SLC17A9: variants seen among roughly 807,000 people sequenced by gnomAD.
The protein encoded by SLC17A9 is solute carrier family 17 member 9.
In SLC17A9, 49 loss-of-function variants were observed where a neutral mutation model predicts 55.0. The ratio of observed to expected loss-of-function variants is 0.89; its 90% CI spans 0.71 to 1.13. The LOEUF is 1.13. Among genes scored for constraint, SLC17A9 ranks in the 50% most tolerant of loss-of-function variants. SLC17A9 has a pLI of 0.00. For missense variants in SLC17A9, 526 were observed against 569.3 expected (o/e 0.92, Z 0.77); for synonymous variants, 256 against 247.4 (o/e 1.03, Z -0.32).
chr20:62,957,183 C>G (rs1039098201), intron 2 of SLC17A9: 1 of 984,614 alleles, frequency 1.0e-6, no homozygotes, highest in East Asian at 1.1e-4. Flanking sequence ...GCAGAAGACC[C>G]CCCCAGAGGA....
Position 62,957,570 on chromosome 20 carries a change from C to CT in SLC17A9, c.389dup (p.Leu130PhefsTer22). 6.4e-7 allele frequency: 1 copy of CT among 1,563,850 alleles called. No homozygotes were observed. Among genetic ancestry groups the CT allele is most frequent in the South Asian group, 1.2e-5 (1 of 84,222 alleles). On this transcript the variant is annotated frameshift_variant, in exon 3 of 13. Coordinates refer to ENST00000370351, the MANE Select transcript of SLC17A9 (RefSeq NM_022082.4). LOFTEE classifies it high-confidence loss of function. ...TGACCTTCTCACGCATCCTCATGGG[C>CT]TTGCTCCAAGGTAAGGGGAGCTCAG...
chr20:62,962,814 T>C lies in SLC17A9; in HGVS notation c.628+60T>C. 6.3e-7 allele frequency: 1 copy of C among 1,595,082 alleles called. No individual in the cohort carries two copies. Among genetic ancestry groups the C allele is most frequent in the Non-Finnish European group, 8.6e-7 (1 of 1,168,808 alleles). On this transcript the variant is annotated intron_variant, in intron 5 of 12. Transcript: ENST00000370351. This position sits in a 1 kb window ranked among gnomAD's most constrained non-coding sequence, Gnocchi z 5.5. ...CACAGCTGCCCAGTGCCTCCTCCCC[T>C]GGTGGCAGCCGCTGAGCAGCCTGGA... is the stretch of plus-strand genomic sequence containing the variant.
Position 62,962,517 on chromosome 20 carries a change from C to T in SLC17A9, c.498-107C>T, listed in dbSNP as rs754041660. 3.5e-6 allele frequency: 5 copies of T among 1,433,508 alleles called. No individual in the cohort carries two copies. Among genetic ancestry groups the T allele is most frequent in the Non-Finnish European group, 4.7e-6 (5 of 1,069,150 alleles). The allele number at this position is 1,433,508 out of a possible 1,614,324, so 88.8% of individuals were successfully genotyped here. A position where few individuals can be genotyped will look rare whatever the true frequency, so the allele number is the denominator to read the frequency against. The stretch of plus-strand genomic sequence containing the variant: ...CTCCTCTGGAGGCGATGAAAACACC[C>T]TCTTCTCCAGGGGCTCAGCCTGCAC... On this transcript the variant is annotated intron_variant, in intron 4 of 12. Transcript: ENST00000370351. The surrounding 1 kb of genome is among the most constrained non-coding windows in gnomAD (Gnocchi z 5.5).
intron 3 of SLC17A9, 78 bp downstream of exon 3, chr20:62,957,658 T>C: frequency 7.9e-7 from 1 of 1,270,120 alleles, no homozygotes; most frequent in African/African-American, 1.5e-5. Flanking sequence ...CGGATGTGTG[T>C]GCAGGTGCAT....
At chr20:62,954,042 TCCCAGGC>T (rs2065514047) in intron 1 of SLC17A9, among the ~76,000 whole-genome samples, 1 of 151,504 alleles carries the variant, frequency 6.6e-6, no homozygotes, top group Non-Finnish European at 1.5e-5. Flanking sequence ...ACTACGTCCC[TCCCAGGC>T]TCGATGTTTA....
Position 62,969,293 on chromosome 20 carries a change from G to A in SLC17A9, c.*1793G>A, listed in dbSNP as rs1343162235. ...CTGTGGCATTAGGTACATTCGCATT[G>A]TGCAGCCACCGCCACCCTCCGCCTT... On this transcript the variant is annotated 3_prime_UTR_variant, in exon 13 of 13. Coordinates refer to ENST00000370351, the MANE Select transcript of SLC17A9 (RefSeq NM_022082.4). 6.6e-6 allele frequency: 1 copy of A among 152,140 alleles called. No individual in the cohort carries two copies. The highest frequency in any genetic ancestry group is 1.5e-5 in the Non-Finnish European group (1 of 68,036). The allele number at this position is 152,140 out of a possible 1,614,324, so 9.4% of individuals were successfully genotyped here. A position where few individuals can be genotyped will look rare whatever the true frequency, so the allele number is the denominator to read the frequency against.
chr20:62,956,861 C>G lies in SLC17A9; in HGVS notation c.156C>G (p.Ser52Arg), dbSNP rs2147646017. The change falls in exon 2 of 13, where the codon AGC (serine) becomes AGG (arginine). Residue 52 changes from serine (S) to arginine (R), a missense_variant. Coordinates refer to ENST00000370351, the MANE Select transcript of SLC17A9 (RefSeq NM_022082.4). ...TGCCCATCTGCACCGTCTCCATGAG[C>G]CAGGACTTCGGCTGGAACAAGAAGG... is the stretch of plus-strand genomic sequence containing the variant. ...SSMPICTVSM[S>R]QDFGWNKKEA... The G allele has an allele frequency of 6.2e-7, 1 of 1,613,550 alleles. No individual in the cohort carries two copies. The highest frequency in any genetic ancestry group is 8.5e-7 in the Non-Finnish European group (1 of 1,180,024).
chr20:62,967,745 C>T lies in SLC17A9; in HGVS notation c.*245C>T. 2.1e-6 allele frequency: 1 copy of T among 469,784 alleles called. No individual in the cohort carries two copies. Among genetic ancestry groups the T allele is most frequent in the African/African-American group, 2.0e-5 (1 of 50,904 alleles). 29.1% of individuals were successfully genotyped at this position (469,784 alleles called of 1,614,324 possible). A position where few individuals can be genotyped will look rare whatever the true frequency, so the allele number is the denominator to read the frequency against. On this transcript the variant is annotated 3_prime_UTR_variant, in exon 13 of 13. Coordinates refer to ENST00000370351, the MANE Select transcript of SLC17A9 (RefSeq NM_022082.4). ...TTTCCCCACCTGCCAGCGGGCTCGGCCCTGTCCTCCTCACAGGCTGGTGTG... is the reference window on the plus strand; with the variant it reads ...TTTCCCCACCTGCCAGCGGGCTCGGTCCTGTCCTCCTCACAGGCTGGTGTG...
Position 62,958,768 on chromosome 20 carries a change from G to T in SLC17A9, c.397+1188G>T, listed in dbSNP as rs2065564159. ...CACACCCTCACTCCCCAAGGTTATG[G>T]CCTGGAAGGTGCTGCCTGGGACTGT... On this transcript the variant is annotated intron_variant, in intron 3 of 12. Transcript: ENST00000370351. The surrounding 1 kb of genome is among the most constrained non-coding windows in gnomAD (Gnocchi z 4.1). 6.6e-6 allele frequency among the ~76,000 whole-genome samples: 1 copy of T among 152,162 alleles called. No homozygotes were observed. Among genetic ancestry groups the T allele is most frequent in the African/African-American group, 2.4e-5 (1 of 41,430 alleles).
Position 62,967,473 on chromosome 20 carries a change from C to A in SLC17A9, c.1284C>A (p.Asp428Glu), listed in dbSNP as rs1568919142. Residue 428 changes from aspartate to glutamate, a missense_variant, in exon 13 of 13, where the codon GAC becomes GAA. Asp to Glu is a conservative substitution (Grantham distance 45). Transcript: ENST00000370351. ...TGTTTGGACAGGCTCAGAGGGTGGA[C>A]CTGAGCTCTACCCATGAGGACCTCT... is the stretch of plus-strand genomic sequence containing the variant. ...FLVFGQAQRVDLSSTHEDL is the reference protein window; with the variant it reads ...FLVFGQAQRVELSSTHEDL 6.2e-7 allele frequency: 1 copy of A among 1,614,052 alleles called. No individual in the cohort carries two copies.
chr20:62,965,251 C>T (rs908974939), intron 9 of SLC17A9, 85 bp downstream of exon 9: 7 of 1,560,314 alleles, frequency 4.5e-6, no homozygotes, highest in African/African-American at 4.1e-5. Flanking sequence ...GTCCCCAAGT[C>T]ACCTGATATC....
In SLC17A9 at chr20:62,969,370, C is replaced by G. The variant is rs933224794; in HGVS notation, c.*1870C>G. ...AAGCTCTGTGCTCATTAAAGGCTAG[C>G]TCCCCGTTGCTCTCCCCCAGCCCCG... is the stretch of plus-strand genomic sequence containing the variant. On this transcript the variant is annotated 3_prime_UTR_variant, in exon 13 of 13. Transcript: ENST00000370351. 1 of 69,626 alleles carries G rather than the reference C, an allele frequency of 1.4e-5. No individual in the cohort carries two copies. The highest frequency in any genetic ancestry group is 3.0e-5 in the Non-Finnish European group (1 of 33,744). The allele number at this position is 69,626 out of a possible 1,614,324, so 4.3% of individuals were successfully genotyped here. A position where few individuals can be genotyped will look rare whatever the true frequency, so the allele number is the denominator to read the frequency against.
At chr20:62,956,336 C>T (rs143222405) in intron 1 of SLC17A9, among the ~76,000 whole-genome samples, 28 of 152,326 alleles carry the variant, frequency 1.8e-4, no homozygotes, top group East Asian at 5.8e-4. Flanking sequence ...AGCACACACC[C>T]GGGGTGCAGC....
At position 62,962,545 on chromosome 20, in the gene SLC17A9, G is replaced by C. The variant is rs2065597454; in HGVS notation, c.498-79G>C. On this transcript the variant is annotated intron_variant, in intron 4 of 12. Coordinates refer to ENST00000370351, the MANE Select transcript of SLC17A9 (RefSeq NM_022082.4). This position sits in a 1 kb window ranked among gnomAD's most constrained non-coding sequence, Gnocchi z 5.5. ...TTCTCCAGGGGCTCAGCCTGCACCA[G>C]GGTGGGGTTTCTGAGAGGCCCCTCC... 1.3e-6 allele frequency: 2 copies of C among 1,547,520 alleles called. No individual in the cohort carries two copies. The highest frequency in any genetic ancestry group is 3.9e-5 in the Admixed American group (2 of 51,634).
rs2065647100 is a variant in SLC17A9, at chr20:62,967,048, A to G, written c.1148-289A>G. ...GATGATGGGGGTCCTTCTTCAGCTC[A>G]GCCTCGCCTGGGCCGGCCTGTGGCT... On this transcript the variant is annotated intron_variant, in intron 12 of 12. Transcript: ENST00000370351. The G allele has an allele frequency of 1.4e-5, 8 of 576,962 alleles. No homozygotes were observed. The South Asian group carries it at 1.8e-4, about 13-fold the overall frequency. The allele number at this position is 576,962 out of a possible 1,614,324, so 35.7% of individuals were successfully genotyped here. A position where few individuals can be genotyped will look rare whatever the true frequency, so the allele number is the denominator to read the frequency against.
intron 1 of SLC17A9, among the ~76,000 whole-genome samples, chr20:62,954,289 C>G (rs1028923253): frequency 9.2e-5 from 14 of 152,234 alleles, no homozygotes; most frequent in Non-Finnish European, 1.3e-4. Flanking sequence ...GCCCGCCCTC[C>G]TGCAGCCACA....
chr20:62,957,521 T>C lies in SLC17A9; in HGVS notation c.338T>C (p.Leu113Pro), dbSNP rs573187320. ...GCCGTCACCCCACTGCTCGCCCACC[T>C]GAGCAGTGCCCACCTGGCCTTCATG... ...ITAVTPLLAH[L>P]SSAHLAFMTF... The change falls in exon 3 of 13, where the codon CTG becomes CCG. Residue 113 changes from leucine to proline, a missense_variant. By Grantham distance (98) the Leu-to-Pro change is moderately conservative (BLOSUM62 -3). Coordinates refer to ENST00000370351, the MANE Select transcript of SLC17A9 (RefSeq NM_022082.4). The C allele has an allele frequency of 9.3e-6, 15 of 1,609,554 alleles. 1 individual carries two copies. The South Asian group carries it at 1.5e-4, about 17-fold the overall frequency.
rs910938 is a variant in SLC17A9 at position 62,969,425 on chromosome 20, G to A, written c.*1925G>A. The A allele has an allele frequency of 0.49, 74,096 of 151,914 alleles. 19,210 individuals carry two copies. Among genetic ancestry groups the A allele is most frequent in the East Asian group, 0.75 (3,863 of 5,158 alleles). 9.4% of individuals were successfully genotyped at this position (151,914 alleles called of 1,614,324 possible). A position where few individuals can be genotyped will look rare whatever the true frequency, so the allele number is the denominator to read the frequency against. ...CCCCATTCCACTTTGTGTCTCGACCGTAAGTGTGGCTGCTCTGGGACCAGT... is the reference window on the plus strand; with the variant it reads ...CCCCATTCCACTTTGTGTCTCGACCATAAGTGTGGCTGCTCTGGGACCAGT... On this transcript the variant is annotated 3_prime_UTR_variant, in exon 13 of 13. Transcript: ENST00000370351.
intron 1 of SLC17A9, among the ~76,000 whole-genome samples, chr20:62,955,066 T>A (rs2065524751): frequency 6.6e-6 from 1 of 151,860 alleles, no homozygotes; most frequent in Non-Finnish European, 1.5e-5. Context: ...GCTCAAGCGA[T>A]CCTCCTACTT....
Sources: allele counts gnomAD v4.1 joint callset (sites outside exome capture counted in the v4.1 genomes callset), GRCh38; gene constraint gnomAD v4.1.1; non-coding constraint Gnocchi (gnomAD v3.1); transcripts MANE v1.5; gene names NCBI Gene and HGNC (gene_info 2026-07-23, HGNC 2026-07-21).